The following SAMMSON variants were observed in gnomAD, a reference collection of about 807,000 sequenced individuals.
The protein encoded by SAMMSON is survival associated mitochondrial melanoma specific oncogenic non-coding RNA, also known as long intergenic non-protein coding RNA 1212.
At chr3:70,400,595 G>C (rs1018179483) in intron 2 of SAMMSON, among the ~76,000 whole-genome samples, 74 of 152,228 alleles carry the variant, frequency 4.9e-4, no homozygotes, top group African/African-American at 1.7e-3. Flanking sequence ...CAGGTATTTT[G>C]TTATAGCAAT....
chr3:70,055,900 A>G (rs1242479161), intron 3 of SAMMSON, among the ~76,000 whole-genome samples: 1 of 151,974 alleles, frequency 6.6e-6, no homozygotes, highest in African/African-American at 2.4e-5. Context: ...TACCTCATAA[A>G]TAGCCTTTCA....
At chr3:70,313,968 G>T (rs989353600) in intron 7 of SAMMSON, among the ~76,000 whole-genome samples, 8 of 152,090 alleles carry the variant, frequency 5.3e-5, no homozygotes, top group African/African-American at 1.2e-4. Flanking sequence ...TTGCATTGTG[G>T]CTGTTCCTTG....
At chr3:70,234,005 T>C (rs956473163) in intron 4 of SAMMSON, among the ~76,000 whole-genome samples, 1 of 152,200 alleles carries the variant, frequency 6.6e-6, no homozygotes, top group African/African-American at 2.4e-5. Flanking sequence ...AGGAGTAAAA[T>C]GCTGAGTCAT....
chr3:70,005,062 C>T (rs2066920900), intron 1 of SAMMSON, among the ~76,000 whole-genome samples: 1 of 152,176 alleles, frequency 6.6e-6, no homozygotes, highest in Non-Finnish European at 1.5e-5. Context: ...AGTGCGTTCT[C>T]TCTCTTTGCT....
chr3:70,275,199 G>A (rs1702011691), intron 6 of SAMMSON, among the ~76,000 whole-genome samples: 1 of 152,058 alleles, frequency 6.6e-6, no homozygotes, highest in African/African-American at 2.4e-5. Context: ...TATATATTGT[G>A]CTTCTGAATA....
chr3:70,306,375 T>C (rs1191520804), intron 7 of SAMMSON, among the ~76,000 whole-genome samples: 1 of 152,162 alleles, frequency 6.6e-6, no homozygotes, highest in Admixed American at 6.6e-5. Flanking sequence ...CCTCCCAAAG[T>C]GCTGGGATTA....
At chr3:70,009,226 C>G (rs1477828027) in intron 1 of SAMMSON, 1 of 152,256 alleles carries the variant, frequency 6.6e-6, no homozygotes, top group African/African-American at 2.4e-5. Context: ...ACCAGCTCCT[C>G]CTTGTACCTC....
intron 6 of SAMMSON, among the ~76,000 whole-genome samples, chr3:70,267,651 C>T (rs1355687904): frequency 1.3e-5 from 2 of 149,764 alleles, no homozygotes; most frequent in Non-Finnish European, 3.0e-5. Flanking sequence ...CTCCTGACCT[C>T]GAGGTCCGCC....
chr3:70,164,706 T>A (rs1343652951), intron 4 of SAMMSON, among the ~76,000 whole-genome samples: 1 of 152,068 alleles, frequency 6.6e-6, no homozygotes, highest in Admixed American at 6.6e-5. Context: ...CTATACTTCC[T>A]CATCTATAAA....
chr3:70,209,557 C>T (rs1314109811), intron 4 of SAMMSON, among the ~76,000 whole-genome samples: 1 of 152,024 alleles, frequency 6.6e-6, no homozygotes, highest in African/African-American at 2.4e-5. Context: ...TGAAGGTAAC[C>T]AAGGCTTACA....
intron 4 of SAMMSON, among the ~76,000 whole-genome samples, chr3:70,133,544 G>A (rs1028765891): frequency 1.3e-5 from 2 of 152,160 alleles, no homozygotes; most frequent in Non-Finnish European, 2.9e-5. Context: ...GGTTATGGGA[G>A]TCCTTCAATT....
Position 70,143,642 on chromosome 3 carries a change from C to T in SAMMSON, n.507+72077C>T, listed in dbSNP as rs999812575. Among the ~76,000 whole-genome samples, 6 of 152,116 alleles carry T rather than the reference C, an allele frequency of 3.9e-5. 1 individual carries two copies. The South Asian group carries it at 1.2e-3, about 32-fold the overall frequency. On this transcript the variant is annotated intron_variant and non_coding_transcript_variant, in intron 4 of 9. Transcript: ENST00000642114. ...GTGGAAGGAGAGTGAAGTAACACTC[C>T]AGCAGTTTGCTGGGTGAGAGTAGAG...
chr3:70,076,529 G>A (rs772338244), intron 4 of SAMMSON, among the ~76,000 whole-genome samples: 7 of 152,128 alleles, frequency 4.6e-5, no homozygotes, highest in Admixed American at 6.6e-5. Flanking sequence ...GCATAAAAAA[G>A]GGATGCAATT....
At chr3:70,312,080 C>A in intron 7 of SAMMSON, 1 of 391,750 alleles carries the variant, frequency 2.6e-6, no homozygotes, top group Non-Finnish European at 4.5e-6. Flanking sequence ...AAAATTTTAT[C>A]TCTATAGTTT....
chr3:70,016,133 T>C (rs1284244891), intron 3 of SAMMSON, among the ~76,000 whole-genome samples: 1 of 152,144 alleles, frequency 6.6e-6, no homozygotes, highest in South Asian at 2.1e-4. Flanking sequence ...CCTGAGGAAT[T>C]GCCACACTGT....
At chr3:70,213,665 A>G (rs1701372448) in intron 4 of SAMMSON, among the ~76,000 whole-genome samples, 2 of 152,160 alleles carry the variant, frequency 1.3e-5, no homozygotes. Flanking sequence ...CCTTTGTATG[A>G]AAATTTTGTG....
downstream of SAMMSON, among the ~76,000 whole-genome samples, chr3:70,390,799 G>A (rs1265231254): frequency 6.6e-6 from 1 of 151,898 alleles, no homozygotes; most frequent in African/African-American, 2.4e-5. Context: ...AAAATAGTAA[G>A]GTATAAAATT....
At chr3:70,175,007 G>C (rs1404578977) in intron 4 of SAMMSON, among the ~76,000 whole-genome samples, 1 of 152,004 alleles carries the variant, frequency 6.6e-6, no homozygotes, top group Non-Finnish European at 1.5e-5. Context: ...TAACAAGGTG[G>C]TTTTTCTTTT....
At chr3:70,383,347 T>TTAA (rs1553660668) in intron 9 of SAMMSON, among the ~76,000 whole-genome samples, 1 of 144,628 alleles carries the variant, frequency 6.9e-6, no homozygotes, top group African/African-American at 2.5e-5. Context: ...AAAATAAAAA[T>TTAA]AAAAAAAAAA....
Sources: gnomAD v4.1 joint callset for allele counts (sites outside exome capture counted in the v4.1 genomes callset) on GRCh38, gnomAD v4.1.1 for gene constraint, MANE v1.5 for transcripts, NCBI Gene and HGNC (gene_info 2026-07-23, HGNC 2026-07-21) for gene names.